Variants in GABRA1 observed in about 807,000 individuals in gnomAD.
The protein encoded by GABRA1 is gamma-aminobutyric acid receptor subunit alpha-1.
Under a neutral mutation model 48.9 loss-of-function variants are expected in GABRA1, and 9 were observed. The ratio of observed to expected loss-of-function variants is 0.18; its 90% CI spans 0.11 to 0.32. The LOEUF (loss-of-function observed/expected upper bound fraction) is 0.32, where lower values mean the gene tolerates loss of function less well. GABRA1 is among the 10% of genes least tolerant of loss of function. The pLI is 1.00. For missense variants in GABRA1, 285 were observed against 553.8 expected (o/e 0.51, Z 4.87); for synonymous variants, 210 against 198.7 (o/e 1.06, Z -0.48).
At chr5:161,885,753 C>T (rs994106159) in intron 7 of GABRA1, among the ~76,000 whole-genome samples, 2 of 152,138 alleles carry the variant, frequency 1.3e-5, no homozygotes, top group Admixed American at 1.3e-4. Context: ...TACTTACTCA[C>T]CTGGCAGAAA....
At chr5:161,883,507 A>G (rs1406058473) in intron 7 of GABRA1, among the ~76,000 whole-genome samples, 1 of 152,224 alleles carries the variant, frequency 6.6e-6, no homozygotes, top group South Asian at 2.1e-4. Flanking sequence ...CCAGATAATT[A>G]TAAATAAAAA....
intron 2 of GABRA1, chr5:161,853,745 C>T (rs1169321973): frequency 6.4e-6 from 1 of 157,138 alleles, no homozygotes; most frequent in African/African-American, 2.4e-5. Flanking sequence ...AAAACTTAGG[C>T]TTTTGCTGCA....
At chr5:161,888,117 G>T (rs983361647) in intron 7 of GABRA1, among the ~76,000 whole-genome samples, 1 of 152,090 alleles carries the variant, frequency 6.6e-6, no homozygotes, top group Non-Finnish European at 1.5e-5. Flanking sequence ...TTCCTTCAGG[G>T]TTAAATAAAC....
chr5:161,893,015 T>TAAC (rs1755178647), intron 8 of GABRA1, among the ~76,000 whole-genome samples: 3 of 65,006 alleles, frequency 4.6e-5, no homozygotes, highest in African/African-American at 2.8e-4. Context: ...AAAAAAATAA[T>TAAC]AATAATAATA....
intron 2 of GABRA1, among the ~76,000 whole-genome samples, chr5:161,853,352 A>G (rs1408516915): frequency 6.6e-6 from 1 of 151,838 alleles, no homozygotes; most frequent in Admixed American, 6.6e-5. Context: ...ATATAGAAGA[A>G]GAAAATAAAG....
At chr5:161,887,538 T>C (rs1376612621) in intron 7 of GABRA1, among the ~76,000 whole-genome samples, 1 of 152,156 alleles carries the variant, frequency 6.6e-6, no homozygotes, top group African/African-American at 2.4e-5. Flanking sequence ...AGAACTATAA[T>C]GAGTGTCCCC....
rs543710675 is a variant in GABRA1 at position 161,895,661 on chromosome 5, T to C, written c.857-5T>C. The C allele has an allele frequency of 4.8e-5, 78 of 1,613,350 alleles. No homozygotes were observed. In the South Asian group the frequency reaches 5.4e-4, roughly 11 times the overall value. On this transcript the variant is annotated splice_polypyrimidine_tract_variant and splice_region_variant and intron_variant, in intron 8 of 9. Coordinates refer to ENST00000393943, the MANE Select transcript of GABRA1 (RefSeq NM_001127644.2). The stretch of plus-strand genomic sequence containing the variant: ...CATCATGTATGTTTTTTTTTTTCTT[T>C]ACAGGAGTAACAACTGTGCTCACCA...
intron 6 of GABRA1, among the ~76,000 whole-genome samples, chr5:161,880,803 A>T (rs1754581907): frequency 6.6e-6 from 1 of 152,124 alleles, no homozygotes; most frequent in African/African-American, 2.4e-5. Flanking sequence ...CTTTTTTCAG[A>T]CAGCCTTATT....
intron 8 of GABRA1, among the ~76,000 whole-genome samples, chr5:161,894,323 C>A (rs1755262540): frequency 6.6e-6 from 1 of 152,144 alleles, no homozygotes; most frequent in Non-Finnish European, 1.5e-5. Flanking sequence ...TTGCCCTGGA[C>A]TTTCAATTAC....
intron 7 of GABRA1, among the ~76,000 whole-genome samples, chr5:161,884,144 G>A (rs1754736588): frequency 6.6e-6 from 1 of 152,038 alleles, no homozygotes. Flanking sequence ...TACTCAAATG[G>A]TAAGTAAGAG....
At chr5:161,867,705 T>A (rs866092579) in intron 4 of GABRA1, among the ~76,000 whole-genome samples, 5 of 152,106 alleles carry the variant, frequency 3.3e-5, no homozygotes, top group South Asian at 4.1e-4. Context: ...TTTCTTCTAC[T>A]CTTTACCCAT....
At chr5:161,876,319 A>C (rs774824230) in intron 6 of GABRA1, among the ~76,000 whole-genome samples, 27 of 152,250 alleles carry the variant, frequency 1.8e-4, no homozygotes, top group Admixed American at 7.9e-4. Flanking sequence ...TGTGAGAGTC[A>C]GGTTCTCCGG....
chr5:161,895,856 G>C lies in GABRA1; in HGVS notation c.1047G>C (p.Val349=). The C allele has an allele frequency of 1.2e-6, 2 of 1,613,788 alleles. No individual in the cohort carries two copies. Among genetic ancestry groups the C allele is most frequent in the Non-Finnish European group, 1.7e-6 (2 of 1,179,768 alleles). ...KRGYAWDGKS[V]VPEKPKKVKD... ...GTTATGCATGGGATGGCAAAAGTGTGGTTCCAGAAAAGGTAAATGCTTTAA... is the reference window on the plus strand; with the variant it reads ...GTTATGCATGGGATGGCAAAAGTGTCGTTCCAGAAAAGGTAAATGCTTTAA... Residue 349 remains valine, a synonymous_variant, in exon 9 of 10, where the codon GTG becomes GTC. Coordinates refer to ENST00000393943, the MANE Select transcript of GABRA1 (RefSeq NM_001127644.2).
At chr5:161,875,769 C>T in intron 6 of GABRA1, 127 bp downstream of exon 6, 1 of 746,948 alleles carries the variant, frequency 1.3e-6, no homozygotes, top group African/African-American at 1.7e-5. Flanking sequence ...ACCACATGGA[C>T]TTTCCATAAG....
At position 161,899,444 on chromosome 5, in the gene GABRA1, G is replaced by A. The variant is rs995712615; in HGVS notation, c.*2022G>A. The A allele has an allele frequency of 1.3e-5, 2 of 152,060 alleles. No homozygotes were observed. The highest frequency in any genetic ancestry group is 2.9e-5 in the Non-Finnish European group (2 of 67,952). 9.4% of individuals were successfully genotyped at this position (152,060 alleles called of 1,614,324 possible). ...GCTGTTTATCTTGTTATTTTTCGGCGTTATACTAATGTGTTTATTGAGAGC... is the reference window on the plus strand; with the variant it reads ...GCTGTTTATCTTGTTATTTTTCGGCATTATACTAATGTGTTTATTGAGAGC... On this transcript the variant is annotated 3_prime_UTR_variant, in exon 10 of 10. Transcript: ENST00000393943.
At chr5:161,865,164 A>T (rs114890975) in intron 3 of GABRA1, among the ~76,000 whole-genome samples, 4,321 of 152,186 alleles carry the variant, frequency 0.028, 99 homozygotes, top group South Asian at 0.055. Flanking sequence ...TGTTCTTCTC[A>T]TCCTGAAAAT....
In GABRA1 at chr5:161,878,551, A is replaced by G. The variant is rs1455765487; in HGVS notation, c.559+2909A>G. On this transcript the variant is annotated intron_variant, in intron 6 of 9. Coordinates refer to ENST00000393943, the MANE Select transcript of GABRA1 (RefSeq NM_001127644.2). ...TAAATGTTTATGAATATTCTGAAGC[A>G]ACCTTATCCATATGGTGATAAAATC... Among the ~76,000 whole-genome samples the G allele has an allele frequency of 5.9e-5, 9 of 152,216 alleles. No homozygotes were observed. The South Asian group carries it at 1.7e-3, about 28-fold the overall frequency.
At chr5:161,886,540 A>G (rs1325189127) in intron 7 of GABRA1, among the ~76,000 whole-genome samples, 4 of 151,914 alleles carry the variant, frequency 2.6e-5, no homozygotes, top group Non-Finnish European at 5.9e-5. Context: ...GGAGGCTGAG[A>G]CAAGCAGATC....
rs1755532370 is a variant in GABRA1 at position 161,899,736 on chromosome 5, T to C, written c.*2314T>C. ...CCTTGAAAATAAAGATACACTCTTA[T>C]AGGGGACAGTTCCTGTTCACTCCCA... On this transcript the variant is annotated 3_prime_UTR_variant, in exon 10 of 10. Transcript: ENST00000393943. 6.6e-6 allele frequency: 1 copy of C among 152,312 alleles called. No individual in the cohort carries two copies. Among genetic ancestry groups the C allele is most frequent in the East Asian group, 1.9e-4 (1 of 5,184 alleles). 9.4% of individuals were successfully genotyped at this position (152,312 alleles called of 1,614,324 possible).
Sources: allele counts gnomAD v4.1 joint callset (sites outside exome capture counted in the v4.1 genomes callset), GRCh38; gene constraint gnomAD v4.1.1; transcripts MANE v1.5; gene names NCBI Gene and HGNC (gene_info 2026-07-23, HGNC 2026-07-21).